Variants in SPOCK1 observed in about 807,000 individuals in gnomAD.
SPOCK1 encodes the protein SPARC (osteonectin), cwcv and kazal like domains proteoglycan 1.
A neutral mutation model predicts 55.3 loss-of-function variants in SPOCK1; 23 were observed. That is an observed-to-expected ratio of 0.42 (90% CI 0.30 to 0.59). The LOEUF (loss-of-function observed/expected upper bound fraction) is 0.59, where lower values mean the gene tolerates loss of function less well. SPOCK1 is among the 20% of genes least tolerant of loss of function. The pLI is 0.22. For synonymous variants in SPOCK1, 226 were observed against 221.0 expected (o/e 1.02, Z -0.20); for missense variants, 499 against 552.5 (o/e 0.90, Z 0.97).
chr5:137,400,366 C>T (rs1176821327), intron 2 of SPOCK1, among the ~76,000 whole-genome samples: 2 of 152,134 alleles, frequency 1.3e-5, no homozygotes, highest in Non-Finnish European at 2.9e-5. Flanking sequence ...TAGGAGTCTT[C>T]GCAGAGAAGG....
chr5:137,394,962 C>G (rs1031835307), intron 2 of SPOCK1, among the ~76,000 whole-genome samples: 1 of 152,188 alleles, frequency 6.6e-6, no homozygotes, highest in African/African-American at 2.4e-5. Flanking sequence ...GAATTGGAGT[C>G]CATAACTCAG....
intron 3 of SPOCK1, among the ~76,000 whole-genome samples, chr5:137,262,762 G>A (rs1318370659): frequency 3.9e-5 from 6 of 152,128 alleles, no homozygotes; most frequent in Non-Finnish European, 8.8e-5. Context: ...GAGCTTCAGA[G>A]CATCACAACT....
chr5:137,167,776 A>T (rs1347569683), intron 3 of SPOCK1, among the ~76,000 whole-genome samples: 1 of 152,114 alleles, frequency 6.6e-6, no homozygotes. Context: ...CAAATAAGGG[A>T]AATGCAACAT....
chr5:137,356,824 TATATATATATATATAGAG>T (rs1412451560), intron 2 of SPOCK1, among the ~76,000 whole-genome samples: 25 of 19,764 alleles, frequency 1.3e-3, no homozygotes, highest in African/African-American at 5.0e-3. Context: ...TATATATATA[TATATATATATATATAGAG>T]AGAGAGAGAG....
chr5:137,042,119 TA>T (rs539718440), intron 6 of SPOCK1, among the ~76,000 whole-genome samples: 2 of 152,090 alleles, frequency 1.3e-5, no homozygotes, highest in African/African-American at 4.8e-5. Context: ...TATTCAGTGA[TA>T]AAAAAATAAA....
chr5:137,160,579 T>TATA (rs1561631678), intron 3 of SPOCK1, among the ~76,000 whole-genome samples: 2 of 60,098 alleles, frequency 3.3e-5, no homozygotes, highest in Non-Finnish European at 5.8e-5. Flanking sequence ...TATTATATAA[T>TATA]ATATATAATA....
intron 2 of SPOCK1, among the ~76,000 whole-genome samples, chr5:137,414,758 A>G (rs1183654031): frequency 1.3e-5 from 2 of 152,200 alleles, no homozygotes; most frequent in Non-Finnish European, 2.9e-5. Flanking sequence ...TCTGGAAGGT[A>G]TTAAAAAATA....
At chr5:137,175,070 G>C (rs1754829310) in intron 3 of SPOCK1, among the ~76,000 whole-genome samples, 1 of 152,144 alleles carries the variant, frequency 6.6e-6, no homozygotes, top group South Asian at 2.1e-4. Context: ...CCCTCAAGGA[G>C]TTCACACAAC....
chr5:137,262,674 C>G (rs1469658137), intron 3 of SPOCK1, among the ~76,000 whole-genome samples: 2 of 152,200 alleles, frequency 1.3e-5, no homozygotes, highest in African/African-American at 4.8e-5. Context: ...CTCTTCAGCT[C>G]CAATAATGGG....
chr5:137,001,220 T>G (rs1230578570), intron 6 of SPOCK1, among the ~76,000 whole-genome samples: 3 of 152,160 alleles, frequency 2.0e-5, no homozygotes, highest in Admixed American at 2.0e-4. Context: ...AGCTCCAGGC[T>G]TGCCATGTGG....
intron 6 of SPOCK1, among the ~76,000 whole-genome samples, chr5:137,041,886 A>G (rs1752005660): frequency 6.6e-6 from 1 of 152,340 alleles, no homozygotes; most frequent in Admixed American, 6.5e-5. Flanking sequence ...ACTTTGCAAG[A>G]CAGTTTTTCC....
chr5:136,978,905 G>C, intron 10 of SPOCK1, 61 bp from the exon 11 acceptor site: 1 of 1,508,128 alleles, frequency 6.6e-7, no homozygotes, highest in Non-Finnish European at 8.9e-7. Flanking sequence ...CCCACGTCAG[G>C]GGTTCCTTTG....
chr5:137,393,960 G>A (rs1471733831), intron 2 of SPOCK1, among the ~76,000 whole-genome samples: 1 of 151,998 alleles, frequency 6.6e-6, no homozygotes, highest in Non-Finnish European at 1.5e-5. Flanking sequence ...TTTTCAATAA[G>A]TATTTTCTAT....
intron 2 of SPOCK1, among the ~76,000 whole-genome samples, chr5:137,349,595 A>G (rs1750631883): frequency 6.6e-6 from 1 of 152,246 alleles, no homozygotes; most frequent in Non-Finnish European, 1.5e-5. Context: ...TAGAAGCCCA[A>G]GATGGAGGTT....
chr5:137,352,642 A>G (rs1750708728), intron 2 of SPOCK1, among the ~76,000 whole-genome samples: 1 of 152,112 alleles, frequency 6.6e-6, no homozygotes, highest in South Asian at 2.1e-4. Flanking sequence ...GACGAGGAAG[A>G]AGGAGGGAGG....
At chr5:137,081,588 C>G (rs2127014069) in intron 5 of SPOCK1, among the ~76,000 whole-genome samples, 2 of 152,306 alleles carry the variant, frequency 1.3e-5, no homozygotes, top group Middle Eastern at 6.8e-3. Context: ...CCCCAAATAT[C>G]TTTCTGAATA....
Position 137,356,487 on chromosome 5 carries a change from A to T in SPOCK1, c.187-89432T>A, listed in dbSNP as rs116250975. 5.0e-3 allele frequency among the ~76,000 whole-genome samples: 764 copies of T among 151,862 alleles called. 11 individuals are homozygous for T. The highest frequency in any genetic ancestry group is 0.018 in the African/African-American group (734 of 41,434). On this transcript the variant is annotated intron_variant, in intron 2 of 10. Coordinates refer to ENST00000394945, the MANE Select transcript of SPOCK1 (RefSeq NM_004598.4). ...TTGCCAGGAACCCAAGCAGATGGATACCATTTACCTCCATTTTAGAGGCAG... is the reference window on the plus strand; with the variant it reads ...TTGCCAGGAACCCAAGCAGATGGATTCCATTTACCTCCATTTTAGAGGCAG...
chr5:137,153,569 A>G (rs775223789), intron 3 of SPOCK1, among the ~76,000 whole-genome samples: 16 of 152,154 alleles, frequency 1.1e-4, no homozygotes, highest in Admixed American at 8.5e-4. Context: ...GGGAAGAGAA[A>G]GAGGCCAGGC....
At chr5:137,068,970 T>C (rs1752558488) in intron 5 of SPOCK1, among the ~76,000 whole-genome samples, 2 of 152,118 alleles carry the variant, frequency 1.3e-5, no homozygotes, top group South Asian at 4.2e-4. Flanking sequence ...ATAGGTGAAA[T>C]TTAACAAGCA....
Sources: gnomAD v4.1 joint callset for allele counts (sites outside exome capture counted in the v4.1 genomes callset) on GRCh38, gnomAD v4.1.1 for gene constraint, MANE v1.5 for transcripts, NCBI Gene and HGNC (gene_info 2026-07-23, HGNC 2026-07-21) for gene names.